The following NXPH1 variants were observed in gnomAD, a reference collection of about 807,000 sequenced individuals.
NXPH1 encodes the protein neurexophilin 1, also known as neurexophilin-1.
Under a neutral mutation model 23.7 loss-of-function variants are expected in NXPH1, and 5 were observed. The observed-to-expected ratio is 0.21, with a 90% confidence interval of 0.11 to 0.44. The LOEUF (loss-of-function observed/expected upper bound fraction) is 0.44. Among genes scored for constraint, NXPH1 ranks in the 20% least tolerant of loss-of-function variants. The probability of loss-of-function intolerance (pLI) is 0.99; values close to 1 mark genes in which losing one functional copy is unlikely to be tolerated. For missense variants in NXPH1, 324 were observed against 321.6 expected, an observed-to-expected ratio of 1.01 and a Z score of -0.06; for synonymous variants, 144 against 122.2, an observed-to-expected ratio of 1.18 and a Z score of -1.18.
intron 2 of NXPH1, among the ~76,000 whole-genome samples, chr7:8,489,130 G>T (rs550708561): frequency 1.3e-5 from 2 of 152,038 alleles, no homozygotes; most frequent in African/African-American, 2.4e-5. Context: ...TGGCTGTTTC[G>T]TTGTCAGGGC....
chr7:8,748,625 A>T (rs994696946), intron 2 of NXPH1, among the ~76,000 whole-genome samples: 15 of 152,182 alleles, frequency 9.9e-5, no homozygotes, highest in African/African-American at 3.4e-4. Context: ...GGCCCTCTGC[A>T]TCTTTCCATG....
intron 2 of NXPH1, among the ~76,000 whole-genome samples, chr7:8,562,193 A>G (rs1306636000): frequency 6.6e-6 from 1 of 151,666 alleles, no homozygotes; most frequent in African/African-American, 2.4e-5. Context: ...TCAACCTTAC[A>G]TTTTTAACCA....
chr7:8,726,486 T>TC (rs1197870405), intron 2 of NXPH1, among the ~76,000 whole-genome samples: 1 of 71,844 alleles, frequency 1.4e-5, no homozygotes, highest in African/African-American at 5.7e-5. Context: ...CCCTCCCCCC[T>TC]CCCCCCACCC....
chr7:8,656,852 G>A (rs191796155), intron 2 of NXPH1, among the ~76,000 whole-genome samples: 19 of 152,190 alleles, frequency 1.2e-4, no homozygotes, highest in African/African-American at 4.6e-4. Flanking sequence ...TTTCATCCAT[G>A]TCCCTAGAGT....
At chr7:8,484,855 A>G (rs1425435479) in intron 2 of NXPH1, among the ~76,000 whole-genome samples, 2 of 152,174 alleles carry the variant, frequency 1.3e-5, no homozygotes, top group Non-Finnish European at 2.9e-5. Context: ...TCTATACTCT[A>G]TTTAGATACA....
At chr7:8,682,144 G>T (rs1044573617) in intron 2 of NXPH1, among the ~76,000 whole-genome samples, 2 of 152,126 alleles carry the variant, frequency 1.3e-5, no homozygotes, top group South Asian at 2.1e-4. Context: ...GGCAAGGGAG[G>T]GGCCGAGCAG....
At chr7:8,731,655 G>A (rs1479437203) in intron 2 of NXPH1, among the ~76,000 whole-genome samples, 25 of 152,156 alleles carry the variant, frequency 1.6e-4, no homozygotes, top group Non-Finnish European at 3.2e-4. Flanking sequence ...GGCTGCTCGG[G>A]GGTCAGGGGT....
chr7:8,653,526 T>A (rs1820522981), intron 2 of NXPH1, among the ~76,000 whole-genome samples: 2 of 152,350 alleles, frequency 1.3e-5, no homozygotes, highest in East Asian at 3.9e-4. Context: ...ATATATGTAA[T>A]CATCCAATCT....
intron 2 of NXPH1, among the ~76,000 whole-genome samples, chr7:8,649,717 C>T (rs1330096021): frequency 2.0e-5 from 3 of 152,168 alleles, no homozygotes; most frequent in Admixed American, 1.3e-4. Context: ...ATAATAGCCA[C>T]AGCCTTAAAT....
chr7:8,693,921 T>A (rs137937341), intron 2 of NXPH1, among the ~76,000 whole-genome samples: 1 of 152,236 alleles, frequency 6.6e-6, no homozygotes, highest in Non-Finnish European at 1.5e-5. Flanking sequence ...AATTATGTCA[T>A]CACCCCACTT....
intron 2 of NXPH1, among the ~76,000 whole-genome samples, chr7:8,443,634 C>G (rs7788356): frequency 0.01 from 1,535 of 152,306 alleles, 31 homozygotes; most frequent in African/African-American, 0.035. Context: ...TAATTATTCA[C>G]GGGGAGCAGG....
intron 2 of NXPH1, among the ~76,000 whole-genome samples, chr7:8,602,297 A>G (rs1382807046): frequency 2.0e-5 from 3 of 152,192 alleles, no homozygotes; most frequent in African/African-American, 7.2e-5. Flanking sequence ...ATCTGAACAC[A>G]TTATTCCTAA....
At chr7:8,590,395 T>G (rs1209160051) in intron 2 of NXPH1, among the ~76,000 whole-genome samples, 5 of 152,068 alleles carry the variant, frequency 3.3e-5, no homozygotes, top group Non-Finnish European at 7.4e-5. Context: ...TATAAAACAG[T>G]CGACTGGCCA....
chr7:8,739,952 G>A (rs1464663979), intron 2 of NXPH1, among the ~76,000 whole-genome samples: 1 of 152,176 alleles, frequency 6.6e-6, no homozygotes, highest in Non-Finnish European at 1.5e-5. Context: ...GACCACCATT[G>A]TATATGCAGT....
At chr7:8,533,613 C>A (rs1817985292) in intron 2 of NXPH1, among the ~76,000 whole-genome samples, 1 of 152,134 alleles carries the variant, frequency 6.6e-6, no homozygotes, top group African/African-American at 2.4e-5. Flanking sequence ...ACTCGCCTAT[C>A]TCTTTACATT....
chr7:8,587,961 A>G (rs540742329), intron 2 of NXPH1, among the ~76,000 whole-genome samples: 2 of 152,288 alleles, frequency 1.3e-5, no homozygotes, highest in East Asian at 3.9e-4. Flanking sequence ...ACTTCTCAAA[A>G]GAAGACATCG....
rs58289259 is a variant in NXPH1 at position 8,496,530 on chromosome 7, T to C, written c.54+60763T>C. ...CCTTGAGACCTGCCCAAGTCTTTAA[T>C]TGGAGTCAATAAGAGACAAAAGAGA... On this transcript the variant is annotated intron_variant, in intron 2 of 2. Coordinates refer to ENST00000405863, the MANE Select transcript of NXPH1 (RefSeq NM_152745.3). 5.7e-3 allele frequency among the ~76,000 whole-genome samples: 863 copies of C among 152,158 alleles called. 4 individuals are homozygous for C. The highest frequency in any genetic ancestry group is 0.019 in the African/African-American group (809 of 41,560).
chr7:8,490,858 A>G (rs748975173), intron 2 of NXPH1, among the ~76,000 whole-genome samples: 28 of 152,196 alleles, frequency 1.8e-4, no homozygotes, highest in Middle Eastern at 3.4e-3. Context: ...AATACATTTT[A>G]TGAATAAATA....
chr7:8,504,785 G>C (rs1322945430), intron 2 of NXPH1, among the ~76,000 whole-genome samples: 1 of 152,036 alleles, frequency 6.6e-6, no homozygotes, highest in Admixed American at 6.6e-5. Context: ...ATGAAAGCTT[G>C]CTCTTGTTCT....
Sources: allele counts gnomAD v4.1 joint callset (sites outside exome capture counted in the v4.1 genomes callset), GRCh38; gene constraint gnomAD v4.1.1; transcripts MANE v1.5; gene names NCBI Gene and HGNC (gene_info 2026-07-23, HGNC 2026-07-21).